The following PLCH1 variants were observed in gnomAD, a reference collection of about 807,000 sequenced individuals.
PLCH1 encodes the protein phospholipase C eta 1.
In PLCH1, 60 loss-of-function variants were observed where a neutral mutation model predicts 126.7. The observed-to-expected ratio is 0.47, with a 90% CI of 0.38 to 0.59. The LOEUF is 0.59. Ranked by LOEUF, PLCH1 falls within the 20% of genes least tolerant of loss-of-function variation. The probability of loss-of-function intolerance (pLI) is 0.00; values close to 1 mark genes in which losing one functional copy is unlikely to be tolerated. For missense variants in PLCH1, 1,723 were observed against 2,040.0 expected (o/e 0.84, Z 2.99); for synonymous variants, 719 against 734.9 (o/e 0.98, Z 0.35).
At chr3:155,670,109 A>T (rs2108979034) in intron 2 of PLCH1, among the ~76,000 whole-genome samples, 1 of 152,342 alleles carries the variant, frequency 6.6e-6, no homozygotes, top group African/African-American at 2.4e-5. Flanking sequence ...TTTTTAAAAC[A>T]GTCCTTGGGT....
chr3:155,479,948 CA>C lies in PLCH1; in HGVS notation c.*1019del, dbSNP rs35240379. On this transcript the variant is annotated 3_prime_UTR_variant, in exon 23 of 23. Transcript: ENST00000460012. ...AAGAACATCATTGCAGTTAATGTTACAAAAAAAAAAAACAAAGAGGGACATC... is the reference window on the plus strand; with the variant it reads ...AAGAACATCATTGCAGTTAATGTTACAAAAAAAAAAACAAAGAGGGACATC... 0.017 allele frequency: 1,942 copies of C among 113,148 alleles called. 43 individuals are homozygous for C. The highest frequency in any genetic ancestry group is 0.06 in the African/African-American group (1,796 of 29,808). 7.0% of individuals were successfully genotyped at this position (113,148 alleles called of 1,614,324 possible). A position where few individuals can be genotyped will look rare whatever the true frequency, so the allele number is the denominator to read the frequency against.
In PLCH1 at chr3:155,612,025, A is replaced by G. The variant is rs559551453; in HGVS notation, c.80-15647T>C. ...GAGATACAGTAAAAGCAGTGTTAAGAGGAAACTTTGGCCAGGCATGGTGGC... is the reference window on the plus strand; with the variant it reads ...GAGATACAGTAAAAGCAGTGTTAAGGGGAAACTTTGGCCAGGCATGGTGGC... On this transcript the variant is annotated intron_variant, in intron 2 of 22. Coordinates refer to ENST00000460012, the MANE Select transcript of PLCH1 (RefSeq NM_014996.4). Among the ~76,000 whole-genome samples, 5 of 152,312 alleles carry G rather than the reference A, an allele frequency of 3.3e-5. No individual in the cohort carries two copies. The East Asian group carries it at 7.7e-4, about 23-fold the overall frequency.
intron 21 of PLCH1, chr3:155,486,068 T>G: frequency 1.2e-6 from 1 of 855,564 alleles, no homozygotes; most frequent in Non-Finnish European, 1.8e-6. Context: ...GAAGATGGAG[T>G]GATATGAAAA....
intron 2 of PLCH1, among the ~76,000 whole-genome samples, chr3:155,603,860 G>A (rs1734045955): frequency 6.6e-6 from 1 of 151,982 alleles, no homozygotes; most frequent in African/African-American, 2.4e-5. Flanking sequence ...CACTTTAGAA[G>A]GCCAAGGTGA....
chr3:155,696,332 G>C (rs1191336416), intron 2 of PLCH1, among the ~76,000 whole-genome samples: 1 of 152,120 alleles, frequency 6.6e-6, no homozygotes, highest in Non-Finnish European at 1.5e-5. Context: ...ACTTTCTTTT[G>C]ATAGATAGGA....
Position 155,554,084 on chromosome 3 carries a change from C to G in PLCH1, c.1182G>C (p.Val394=). The G allele has an allele frequency of 6.2e-7, 1 of 1,613,790 alleles. No homozygotes were observed. Among genetic ancestry groups the G allele is most frequent in the Non-Finnish European group, 8.5e-7 (1 of 1,179,824 alleles). Residue 394 remains valine, a synonymous_variant, in exon 9 of 23, where the codon GTG becomes GTC. Transcript: ENST00000460012. ...GGTGCTGCTTTACTTACTCATTCTT[C>G]ACAAAGGCATGCTTGTTGATGGTCT... ...VVETINKHAF[V]KNEFPVILSI... is the part of the protein sequence containing the mutation.
chr3:155,685,113 C>T (rs775537890), intron 2 of PLCH1, among the ~76,000 whole-genome samples: 1 of 152,096 alleles, frequency 6.6e-6, no homozygotes, highest in Non-Finnish European at 1.5e-5. Context: ...GAAGACCCAC[C>T]CAGATCCAAA....
At chr3:155,688,565 G>A (rs1745130222) in intron 2 of PLCH1, among the ~76,000 whole-genome samples, 1 of 152,218 alleles carries the variant, frequency 6.6e-6, no homozygotes, top group Admixed American at 6.5e-5. Flanking sequence ...CTCAGCCACA[G>A]TGGGGTAGAG....
At chr3:155,685,113 C>A (rs775537890) in intron 2 of PLCH1, among the ~76,000 whole-genome samples, 13 of 152,096 alleles carry the variant, frequency 8.5e-5, no homozygotes, top group Admixed American at 2.0e-4. Context: ...GAAGACCCAC[C>A]CAGATCCAAA....
chr3:155,462,510 C>G (rs760023792), intron 21 of PLCH1, among the ~76,000 whole-genome samples: 1 of 152,118 alleles, frequency 6.6e-6, no homozygotes. Context: ...TGAAACTGAC[C>G]ACGATCTGGA....
At chr3:155,460,968 T>C (rs1055145210) in intron 21 of PLCH1, among the ~76,000 whole-genome samples, 1 of 152,204 alleles carries the variant, frequency 6.6e-6, no homozygotes, top group Non-Finnish European at 1.5e-5. Flanking sequence ...TTAGTTTGTG[T>C]CTATTATTTT....
intron 2 of PLCH1, among the ~76,000 whole-genome samples, chr3:155,702,438 A>G (rs16825327): frequency 0.02 from 3,017 of 152,258 alleles, 104 homozygotes; most frequent in African/African-American, 0.07. Context: ...TCACCATTTT[A>G]CAATCTCCAC....
At chr3:155,636,270 C>T (rs963326306) in intron 2 of PLCH1, among the ~76,000 whole-genome samples, 7 of 152,004 alleles carry the variant, frequency 4.6e-5, no homozygotes, top group Admixed American at 3.3e-4. Flanking sequence ...CCTGTTGAGG[C>T]GCTGTTTTAA....
chr3:155,615,390 AC>A (rs1351858461), intron 2 of PLCH1, among the ~76,000 whole-genome samples: 3 of 152,168 alleles, frequency 2.0e-5, no homozygotes, highest in African/African-American at 7.2e-5. Context: ...TCCTTAAAGA[AC>A]AAAAAGTAGA....
At chr3:155,654,766 TAGTA>T (rs1304906562) in intron 2 of PLCH1, among the ~76,000 whole-genome samples, 3 of 152,182 alleles carry the variant, frequency 2.0e-5, no homozygotes, top group Non-Finnish European at 2.9e-5. Context: ...TCTCATCTCA[TAGTA>T]AGTCCATCCT....
intron 9 of PLCH1, among the ~76,000 whole-genome samples, chr3:155,552,452 G>A (rs1030619827): frequency 4.6e-5 from 7 of 152,166 alleles, no homozygotes; most frequent in Admixed American, 1.3e-4. Context: ...TAAATCAGCT[G>A]GTGGTATTAG....
At chr3:155,709,882 T>A (rs1470495969) in intron 1 of PLCH1, among the ~76,000 whole-genome samples, 2 of 152,160 alleles carry the variant, frequency 1.3e-5, no homozygotes, top group African/African-American at 4.8e-5. Flanking sequence ...CTTCCCAAAG[T>A]ACTGGGATTA....
intron 2 of PLCH1, among the ~76,000 whole-genome samples, chr3:155,623,464 C>T (rs1200846587): frequency 1.3e-5 from 2 of 151,960 alleles, no homozygotes; most frequent in Non-Finnish European, 2.9e-5. Context: ...CCAATGAATC[C>T]AGGAGCTGGT....
chr3:155,457,644 T>C (rs920474723), intron 21 of PLCH1: 1 of 152,234 alleles, frequency 6.6e-6, no homozygotes, highest in Non-Finnish European at 1.5e-5. Flanking sequence ...TATCTATTTA[T>C]GTGTATGTTT....
Sources: allele counts gnomAD v4.1 joint callset (sites outside exome capture counted in the v4.1 genomes callset), GRCh38; gene constraint gnomAD v4.1.1; transcripts MANE v1.5; gene names NCBI Gene and HGNC (gene_info 2026-07-23, HGNC 2026-07-21).